ZBTB5: variants seen among roughly 807,000 people sequenced by gnomAD.
ZBTB5 encodes zinc finger and BTB domain containing 5, also known as zinc finger and BTB domain-containing protein 5.
A neutral mutation model predicts 37.9 loss-of-function variants in ZBTB5; 15 were observed. That is an observed-to-expected ratio of 0.40 (90% CI 0.26 to 0.61). The LOEUF is 0.61. ZBTB5 is among the 20% of genes least tolerant of loss of function. ZBTB5 has a pLI of 0.47. For missense variants in ZBTB5, 708 were observed against 856.8 expected (o/e 0.83, Z 2.17); for synonymous variants, 315 against 312.4 (o/e 1.01, Z -0.09).
At chr9:37,451,319 C>A (rs1438898673) in intron 1 of ZBTB5, among the ~76,000 whole-genome samples, 4 of 152,164 alleles carry the variant, frequency 2.6e-5, no homozygotes, top group Admixed American at 2.6e-4. Context: ...ACAATCCCAG[C>A]ATTTTGGGAG....
At chr9:37,459,557 CT>C (rs758214270) in intron 1 of ZBTB5, among the ~76,000 whole-genome samples, 358 of 142,066 alleles carry the variant, frequency 2.5e-3, no homozygotes, top group African/African-American at 4.4e-3. Flanking sequence ...GATCAAGAAA[CT>C]TTTTTTTTTT....
At chr9:37,455,970 G>A (rs1824180731) in intron 1 of ZBTB5, among the ~76,000 whole-genome samples, 2 of 149,710 alleles carry the variant, frequency 1.3e-5, no homozygotes, top group Non-Finnish European at 3.0e-5. Context: ...CTTTTTTTGA[G>A]GCAGGATCTC....
chr9:37,459,475 G>A (rs1390464857), intron 1 of ZBTB5, among the ~76,000 whole-genome samples: 1 of 149,716 alleles, frequency 6.7e-6, no homozygotes, highest in Non-Finnish European at 1.5e-5. Context: ...AAAAAAAAAA[G>A]TTTTCTTTTC....
rs1823879181 is a variant in ZBTB5, at chr9:37,441,673, A to C, written c.879T>G (p.Thr293=). The change falls in exon 2 of 2, where the codon ACT becomes ACG. Residue 293 remains threonine (T), a synonymous_variant. Coordinates refer to ENST00000307750, the MANE Select transcript of ZBTB5 (RefSeq NM_014872.3). The part of the protein sequence containing the change: ...MAQLSMASRA[T]QVETSFDQEA... ...CCTGATCAAAACTAGTCTCAACCTG[A>C]GTTGCACGAGAGGCCATGGACAACT... The C allele has an allele frequency of 6.2e-7, 1 of 1,613,770 alleles. No individual in the cohort carries two copies. The highest frequency in any genetic ancestry group is 1.3e-5 in the African/African-American group (1 of 74,814).
At chr9:37,450,134 G>A (rs1445935137) in intron 1 of ZBTB5, among the ~76,000 whole-genome samples, 1 of 152,078 alleles carries the variant, frequency 6.6e-6, no homozygotes, top group African/African-American at 2.4e-5. Flanking sequence ...CCACCGGCTG[G>A]TCGTTTCCTT....
chr9:37,450,890 A>C (rs1824091067), intron 1 of ZBTB5, among the ~76,000 whole-genome samples: 1 of 152,126 alleles, frequency 6.6e-6, no homozygotes, highest in African/African-American at 2.4e-5. Flanking sequence ...AATTAGCTCC[A>C]AGCATATTAT....
At position 37,439,598 on chromosome 9, in the gene ZBTB5, G is replaced by C. The variant is rs1402203263; in HGVS notation, c.*920C>G. 1 of 152,154 alleles carries C rather than the reference G, an allele frequency of 6.6e-6. No individual in the cohort carries two copies. The highest frequency in any genetic ancestry group is 1.5e-5 in the Non-Finnish European group (1 of 68,028). 9.4% of individuals were successfully genotyped at this position (152,154 alleles called of 1,614,324 possible). Reference sequence around the variant, plus strand: ...GGAGAACAGGCTTGTCCTCGGGTAGGATGTGTCAGCCTAGACTGGCCCTCA... The same window carrying C: ...GGAGAACAGGCTTGTCCTCGGGTAGCATGTGTCAGCCTAGACTGGCCCTCA... On this transcript the variant is annotated 3_prime_UTR_variant, in exon 2 of 2. Transcript: ENST00000307750.
chr9:37,461,791 C>G (rs1474587527), intron 1 of ZBTB5, among the ~76,000 whole-genome samples: 5 of 152,040 alleles, frequency 3.3e-5, no homozygotes, highest in African/African-American at 1.2e-4. Context: ...TACAAAGTAA[C>G]AGATTACCAA....
At chr9:37,457,232 TTTTTGTTTTG>T (rs1011574246) in intron 1 of ZBTB5, among the ~76,000 whole-genome samples, 1 of 152,140 alleles carries the variant, frequency 6.6e-6, no homozygotes, top group African/African-American at 2.4e-5. Flanking sequence ...TGTAATATGT[TTTTTGTTTTG>T]TTTTGTTTTT....
At chr9:37,463,501 TTC>T (rs1399375011) in intron 1 of ZBTB5, among the ~76,000 whole-genome samples, 3 of 152,342 alleles carry the variant, frequency 2.0e-5, no homozygotes, top group South Asian at 2.1e-4. Context: ...AGATTCAAGA[TTC>T]TCTGTCAGCA....
At chr9:37,453,785 C>A (rs1824142572) in intron 1 of ZBTB5, among the ~76,000 whole-genome samples, 1 of 152,162 alleles carries the variant, frequency 6.6e-6, no homozygotes, top group Non-Finnish European at 1.5e-5. Flanking sequence ...CAAGTTCTGC[C>A]AATGGAGTCT....
rs1470435043 is a variant in ZBTB5, at chr9:37,464,843, C to A, written c.-5+372G>T. Reference sequence around the variant, plus strand: ...CGTCGCTCAAGACCCAGGATGGGGGCAAGGGAGCCGTCCGACCACATCCCG... The same window carrying A: ...CGTCGCTCAAGACCCAGGATGGGGGAAAGGGAGCCGTCCGACCACATCCCG... On this transcript the variant is annotated intron_variant, in intron 1 of 1. Coordinates refer to ENST00000307750, the MANE Select transcript of ZBTB5 (RefSeq NM_014872.3). 2.0e-5 allele frequency among the ~76,000 whole-genome samples: 3 copies of A among 152,222 alleles called. No homozygotes were observed. In the East Asian group the frequency reaches 5.8e-4, roughly 29 times the overall value.
chr9:37,456,457 G>T (rs769396480), intron 1 of ZBTB5, among the ~76,000 whole-genome samples: 2 of 152,228 alleles, frequency 1.3e-5, no homozygotes, highest in Non-Finnish European at 2.9e-5. Context: ...TGTCAGGGTT[G>T]GCTCAGAAAC....
intron 1 of ZBTB5, among the ~76,000 whole-genome samples, chr9:37,456,971 C>T (rs756440489): frequency 1.3e-5 from 2 of 152,128 alleles, no homozygotes; most frequent in Admixed American, 6.6e-5. Context: ...GTCCCTTAAG[C>T]CCTCACACAG....
chr9:37,441,594 C>G lies in ZBTB5; in HGVS notation c.958G>C (p.Gly320Arg). ...FQCENPEVGLGEKEHMRVVVK... is the reference protein window; with the variant it reads ...FQCENPEVGLREKEHMRVVVK... ...ACCACTCTCATGTGCTCCTTCTCACCAAGGCCAACCTCAGGGTTTTCACAC... is the reference window on the plus strand; with the variant it reads ...ACCACTCTCATGTGCTCCTTCTCACGAAGGCCAACCTCAGGGTTTTCACAC... Residue 320 changes from glycine to arginine, a missense_variant, in exon 2 of 2, where the codon GGT becomes CGT. Gly to Arg is a moderately radical substitution (Grantham distance 125). Transcript: ENST00000307750. 6.2e-7 allele frequency: 1 copy of G among 1,613,108 alleles called. No individual in the cohort carries two copies.
At chr9:37,450,575 A>G (rs1344596633) in intron 1 of ZBTB5, among the ~76,000 whole-genome samples, 1 of 152,188 alleles carries the variant, frequency 6.6e-6, no homozygotes, top group African/African-American at 2.4e-5. Flanking sequence ...TAATGCCTAA[A>G]CTGAAATTAA....
intron 1 of ZBTB5, among the ~76,000 whole-genome samples, chr9:37,444,919 G>A (rs1347215909): frequency 2.0e-5 from 3 of 152,160 alleles, no homozygotes; most frequent in African/African-American, 7.2e-5. Flanking sequence ...AAAGCAGTCA[G>A]ACTGGAGCAG....
chr9:37,460,790 C>A lies in ZBTB5; in HGVS notation c.-5+4425G>T, dbSNP rs376232860. ...GCTGGGTGGGGGAGGGTTGCTTGAG[C>A]CCAGGAGTTTGGGGCTGCAGTGAGT... On this transcript the variant is annotated intron_variant, in intron 1 of 1. Coordinates refer to ENST00000307750, the MANE Select transcript of ZBTB5 (RefSeq NM_014872.3). Among the ~76,000 whole-genome samples, 3 of 152,096 alleles carry A rather than the reference C, an allele frequency of 2.0e-5. No homozygotes were observed. In the South Asian group the frequency reaches 6.2e-4, roughly 32 times the overall value.
chr9:37,464,721 T>C (rs1205725961), intron 1 of ZBTB5, among the ~76,000 whole-genome samples: 1 of 152,214 alleles, frequency 6.6e-6, no homozygotes, highest in Non-Finnish European at 1.5e-5. Context: ...TCATAACAAG[T>C]TGGGGCATTC....
Sources: allele counts gnomAD v4.1 joint callset (sites outside exome capture counted in the v4.1 genomes callset), GRCh38; gene constraint gnomAD v4.1.1; transcripts MANE v1.5; gene names NCBI Gene and HGNC (gene_info 2026-07-23, HGNC 2026-07-21).